Variants in CNTLN observed in about 807,000 individuals in gnomAD.
The protein encoded by CNTLN is centlein, also known as centlein, centrosomal protein.
A neutral mutation model predicts 180.0 loss-of-function variants in CNTLN; 212 were observed. That is an observed-to-expected ratio of 1.18 (90% CI 1.05 to 1.32). CNTLN has a LOEUF of 1.32. CNTLN is among the 40% of genes most tolerant of loss of function. CNTLN has a pLI of 0.00. For synonymous variants in CNTLN, 722 were observed against 563.1 expected, an observed-to-expected ratio of 1.28 and a Z score of -3.99; for missense variants, 2,095 against 1,610.9, an observed-to-expected ratio of 1.30 and a Z score of -5.14.
rs369970978 is a variant in CNTLN, at chr9:17,142,009, G to A, written c.361-1279G>A. ...AGGCAGAAGAATCACTTGAACCTGG[G>A]AGGCAGAGGTTGCAGTGAGCCGAGA... On this transcript the variant is annotated intron_variant, in intron 1 of 25. Coordinates refer to ENST00000380647, the MANE Select transcript of CNTLN (RefSeq NM_017738.4). 3.2e-4 allele frequency among the ~76,000 whole-genome samples: 49 copies of A among 151,098 alleles called. No individual in the cohort carries two copies. The East Asian group carries it at 5.1e-3, about 16-fold the overall frequency.
At chr9:17,347,407 G>T (rs751327892) in intron 12 of CNTLN, among the ~76,000 whole-genome samples, 62 of 152,240 alleles carry the variant, frequency 4.1e-4, no homozygotes, top group South Asian at 1.7e-3. Context: ...AGTGGCTCAT[G>T]CCTGTAATCC....
chr9:17,163,788 G>A (rs1375454729), intron 2 of CNTLN, among the ~76,000 whole-genome samples: 1 of 152,164 alleles, frequency 6.6e-6, no homozygotes, highest in Non-Finnish European at 1.5e-5. Flanking sequence ...AGCACTTTGG[G>A]CGGCTGAGGC....
intron 25 of CNTLN, 90 bp downstream of exon 25, chr9:17,487,156 C>G: frequency 1.2e-6 from 1 of 834,256 alleles, no homozygotes; most frequent in Non-Finnish European, 2.0e-6. Flanking sequence ...TTTGTAAACA[C>G]TTCCCCATTG....
At position 17,273,734 on chromosome 9, in the gene CNTLN, C is replaced by T. The variant is rs1311055242; in HGVS notation, c.851C>T (p.Thr284Ile). Residue 284 changes from threonine to isoleucine, a missense_variant and splice_region_variant, in exon 6 of 26, where the codon ACC becomes ATC. Coordinates refer to ENST00000380647, the MANE Select transcript of CNTLN (RefSeq NM_017738.4). ...TTGATATAAGCACTCTAATTTTAGA[C>T]CTTTGAAGACAATTTAATTGAAGCA... ...EKYSTDAKIK[T>I]FEDNLIEARK... is the part of the protein sequence containing the mutation. 4 of 1,493,266 alleles carry T rather than the reference C, an allele frequency of 2.7e-6. No homozygotes were observed. The highest frequency in any genetic ancestry group is 1.4e-5 in the African/African-American group (1 of 69,322). The allele number at this position is 1,493,266 out of a possible 1,614,324, so 92.5% of individuals were successfully genotyped here.
In CNTLN at chr9:17,395,002, A is replaced by G. The variant is rs1826407672; in HGVS notation, c.2548A>G (p.Ile850Val). The G allele has an allele frequency of 1.9e-6, 3 of 1,613,626 alleles. No homozygotes were observed. The highest frequency in any genetic ancestry group is 4.5e-5 in the East Asian group (2 of 44,864). ...TCACCACACTGTTCTCAATCATTCC[A>G]TCAAGGTTATGAGCAATGTGTTTGA... ...GRHHTVLNHS[I>V]KVMSNVFENL... is the part of the protein sequence containing the mutation. Residue 850 changes from isoleucine to valine, a missense_variant, in exon 15 of 26, where the codon ATC becomes GTC. Ile to Val is a conservative substitution (Grantham distance 29, BLOSUM62 3). Transcript: ENST00000380647.
At chr9:17,234,308 T>G (rs1443803032) in intron 3 of CNTLN, among the ~76,000 whole-genome samples, 2 of 151,936 alleles carry the variant, frequency 1.3e-5, no homozygotes, top group Non-Finnish European at 2.9e-5. Flanking sequence ...GCTGGGTTGG[T>G]GGCACATACC....
chr9:17,247,056 G>A (rs1385873047), intron 5 of CNTLN, among the ~76,000 whole-genome samples: 2 of 152,090 alleles, frequency 1.3e-5, no homozygotes, highest in East Asian at 1.9e-4. Flanking sequence ...CAGAAGGTAC[G>A]AGTCTCTCCT....
chr9:17,281,284 A>T (rs111867039), intron 6 of CNTLN, among the ~76,000 whole-genome samples: 1 of 151,960 alleles, frequency 6.6e-6, no homozygotes, highest in Non-Finnish European at 1.5e-5. Flanking sequence ...TTTTTTAAAA[A>T]TTAATTTTGT....
At chr9:17,496,268 G>A (rs536198904) in intron 25 of CNTLN, among the ~76,000 whole-genome samples, 2 of 152,196 alleles carry the variant, frequency 1.3e-5, no homozygotes, top group East Asian at 3.9e-4. Context: ...GTCATATCAG[G>A]CTGTTATCAC....
At chr9:17,347,152 A>C (rs896827597) in intron 12 of CNTLN, among the ~76,000 whole-genome samples, 1 of 152,214 alleles carries the variant, frequency 6.6e-6, no homozygotes, top group African/African-American at 2.4e-5. Context: ...GGAGCATTTT[A>C]ATCATGGCTG....
At chr9:17,403,033 A>T (rs1227400703) in intron 15 of CNTLN, among the ~76,000 whole-genome samples, 2 of 151,786 alleles carry the variant, frequency 1.3e-5, no homozygotes, top group Non-Finnish European at 2.9e-5. Context: ...GGAGTGCGTC[A>T]AAAGAGGCAT....
intron 5 of CNTLN, among the ~76,000 whole-genome samples, chr9:17,267,618 A>G (rs562265410): frequency 6.6e-6 from 1 of 152,138 alleles, no homozygotes; most frequent in South Asian, 2.1e-4. Context: ...CTCCTGGATA[A>G]TATCCTGCAG....
intron 25 of CNTLN, among the ~76,000 whole-genome samples, chr9:17,501,690 T>C (rs1349962149): frequency 6.6e-6 from 1 of 152,192 alleles, no homozygotes; most frequent in Admixed American, 6.5e-5. Flanking sequence ...GAAACAGAAG[T>C]AGTCTATCCC....
intron 8 of CNTLN, among the ~76,000 whole-genome samples, chr9:17,323,761 G>T (rs951662748): frequency 6.6e-6 from 1 of 152,112 alleles, no homozygotes; most frequent in African/African-American, 2.4e-5. Flanking sequence ...CCTTTGACAG[G>T]CCAATTTAAT....
At chr9:17,303,227 G>T (rs1485558568) in intron 7 of CNTLN, among the ~76,000 whole-genome samples, 2 of 152,062 alleles carry the variant, frequency 1.3e-5, no homozygotes, top group African/African-American at 4.8e-5. Flanking sequence ...AGTTTTAAAT[G>T]GAAAGGTGAG....
At chr9:17,294,137 A>G (rs898676054) in intron 6 of CNTLN, among the ~76,000 whole-genome samples, 1 of 152,024 alleles carries the variant, frequency 6.6e-6, no homozygotes, top group African/African-American at 2.4e-5. Context: ...CAGACCTTCG[A>G]GTGTTACAGC....
intron 2 of CNTLN, among the ~76,000 whole-genome samples, chr9:17,188,976 T>G (rs982020236): frequency 2.4e-5 from 3 of 124,406 alleles, no homozygotes; most frequent in Non-Finnish European, 3.7e-5. Context: ...TCTTACTGAT[T>G]GTTTGATTTT....
chr9:17,390,235 CTTTTTTTT>C (rs35329298), intron 14 of CNTLN, among the ~76,000 whole-genome samples: 8 of 77,396 alleles, frequency 1.0e-4, no homozygotes, highest in Non-Finnish European at 1.6e-4. Flanking sequence ...AAAAGAGCCT[CTTTTTTTT>C]TTTTTTTTTT....
chr9:17,396,119 G>A (rs966892215), intron 15 of CNTLN, among the ~76,000 whole-genome samples: 2 of 152,086 alleles, frequency 1.3e-5, no homozygotes, highest in Non-Finnish European at 2.9e-5. Flanking sequence ...TACCCTATGT[G>A]GTCTAAAAAG....
Sources: gnomAD v4.1 joint callset for allele counts (sites outside exome capture counted in the v4.1 genomes callset) on GRCh38, gnomAD v4.1.1 for gene constraint, MANE v1.5 for transcripts, NCBI Gene and HGNC (gene_info 2026-07-23, HGNC 2026-07-21) for gene names.